KIRREL3: variants seen among roughly 807,000 people sequenced by gnomAD.
KIRREL3 encodes the protein kirre like nephrin family adhesion molecule 3, also known as kin of IRRE-like protein 3.
A neutral mutation model predicts 89.7 loss-of-function variants in KIRREL3; 36 were observed. The ratio of observed to expected loss-of-function variants is 0.40; its 90% CI spans 0.31 to 0.53. The LOEUF (loss-of-function observed/expected upper bound fraction) is 0.53. Among genes scored for constraint, KIRREL3 ranks in the 20% least tolerant of loss-of-function variants. KIRREL3 has a pLI of 0.49. For synonymous variants in KIRREL3, 445 were observed against 441.4 expected, an observed-to-expected ratio of 1.01 and a Z score of -0.10; for missense variants, 864 against 1,056.6, an observed-to-expected ratio of 0.82 and a Z score of 2.53.
intron 1 of KIRREL3, among the ~76,000 whole-genome samples, chr11:126,862,033 A>G (rs1027194445): frequency 2.0e-4 from 30 of 152,240 alleles, no homozygotes; most frequent in African/African-American, 5.3e-4. Context: ...GGCAGTGAGC[A>G]GTTAGCGGCC....
Position 126,768,692 on chromosome 11 carries a change from A to G in KIRREL3, c.56-205780T>C, listed in dbSNP as rs1445821280. ...GAGCCCATCCCTCAAAATGAGAAAG[A>G]GAGTTCCAAGCAGCTGGAAGAGCAA... On this transcript the variant is annotated intron_variant, in intron 1 of 16. Coordinates refer to ENST00000525144, the MANE Select transcript of KIRREL3 (RefSeq NM_032531.4). This position sits in a 1 kb window ranked among gnomAD's most constrained non-coding sequence, Gnocchi z 4.5. 6.6e-6 allele frequency among the ~76,000 whole-genome samples: 1 copy of G among 152,166 alleles called. No homozygotes were observed. Among genetic ancestry groups the G allele is most frequent in the Non-Finnish European group, 1.5e-5 (1 of 68,032 alleles).
intron 4 of KIRREL3, among the ~76,000 whole-genome samples, chr11:126,487,905 G>T (rs1957409028): frequency 6.6e-6 from 1 of 152,228 alleles, no homozygotes; most frequent in Non-Finnish European, 1.5e-5. Flanking sequence ...GTCCTGAAAG[G>T]GGTAAAGAGA....
intron 1 of KIRREL3, among the ~76,000 whole-genome samples, chr11:126,992,981 C>G (rs1950079380): frequency 6.6e-6 from 1 of 152,174 alleles, no homozygotes; most frequent in Admixed American, 6.5e-5. Flanking sequence ...TGCCTCCTCT[C>G]TGGAATGTGG....
chr11:126,633,895 CAG>C (rs1204371962), intron 1 of KIRREL3, among the ~76,000 whole-genome samples: 4 of 152,184 alleles, frequency 2.6e-5, no homozygotes, highest in Admixed American at 2.0e-4. Context: ...GCATAAGTAA[CAG>C]AGATTTTGTT....
At chr11:126,961,317 G>A (rs1463300503) in intron 1 of KIRREL3, among the ~76,000 whole-genome samples, 4 of 152,200 alleles carry the variant, frequency 2.6e-5, no homozygotes, top group Non-Finnish European at 5.9e-5. Context: ...AGTTGTGAAT[G>A]CAATGGAAAA....
chr11:126,976,533 CTTGA>C lies in KIRREL3; in HGVS notation c.55+23918_55+23921del, dbSNP rs1949581919. ...CAGACTCTCCTATTTTGCAGTATTT[CTTGA>C]CTATTATTCACCCAGAATGGTACCA... On this transcript the variant is annotated intron_variant, in intron 1 of 16. Transcript: ENST00000525144. This position sits in a 1 kb window ranked among gnomAD's most constrained non-coding sequence, Gnocchi z 4.2. Among the ~76,000 whole-genome samples, 1 of 152,054 alleles carries C rather than the reference CTTGA, an allele frequency of 6.6e-6. No individual in the cohort carries two copies. Among genetic ancestry groups the C allele is most frequent in the African/African-American group, 2.4e-5 (1 of 41,394 alleles).
In KIRREL3 at chr11:126,891,169, T is replaced by C. The variant is rs894835938; in HGVS notation, c.55+109286A>G. On this transcript the variant is annotated intron_variant, in intron 1 of 16. Coordinates refer to ENST00000525144, the MANE Select transcript of KIRREL3 (RefSeq NM_032531.4). This position sits in a 1 kb window ranked among gnomAD's most constrained non-coding sequence, Gnocchi z 5.1. ...GGTTTGAAGTGTACATAAGCCACAG[T>C]GGAAACATCTGAGAAGCGTCCCAAG... is the stretch of plus-strand genomic sequence containing the variant. 5.3e-5 allele frequency among the ~76,000 whole-genome samples: 8 copies of C among 152,138 alleles called. No homozygotes were observed. Among genetic ancestry groups the C allele is most frequent in the Non-Finnish European group, 1.2e-4 (8 of 68,030 alleles).
Position 126,753,583 on chromosome 11 carries a change from T to C in KIRREL3, c.56-190671A>G, listed in dbSNP as rs544535379. Among the ~76,000 whole-genome samples the C allele has an allele frequency of 2.0e-4, 30 of 152,342 alleles. No individual in the cohort carries two copies. In the South Asian group the frequency reaches 5.2e-3, roughly 26 times the overall value. Reference sequence around the variant, plus strand: ...TGTCTGTGTTGATTCATTGACTCAATAACAACTCAAGTGTTCTATTTTCTT... The same window carrying C: ...TGTCTGTGTTGATTCATTGACTCAACAACAACTCAAGTGTTCTATTTTCTT... On this transcript the variant is annotated intron_variant, in intron 1 of 16. Transcript: ENST00000525144.
At chr11:126,743,967 T>C (rs1390486367) in intron 1 of KIRREL3, among the ~76,000 whole-genome samples, 1 of 152,224 alleles carries the variant, frequency 6.6e-6, no homozygotes, top group Non-Finnish European at 1.5e-5. Flanking sequence ...ACTACTATAT[T>C]TCTGCTTGGC....
chr11:126,799,411 T>TGC (rs1385829830), intron 1 of KIRREL3, among the ~76,000 whole-genome samples: 9 of 129,938 alleles, frequency 6.9e-5, no homozygotes, highest in Admixed American at 6.5e-4. Flanking sequence ...TCTATCTGTG[T>TGC]GTGCGTCTCT....
Position 126,895,943 on chromosome 11 carries a change from G to A in KIRREL3, c.55+104512C>T, listed in dbSNP as rs986779485. 2.6e-5 allele frequency among the ~76,000 whole-genome samples: 4 copies of A among 152,352 alleles called. 1 individual carries two copies. Among genetic ancestry groups the A allele is most frequent in the African/African-American group, 7.2e-5 (3 of 41,580 alleles). On this transcript the variant is annotated intron_variant, in intron 1 of 16. Transcript: ENST00000525144. ...CATAAAGAGAAGAAACTGCAGCGGT[G>A]TTGTCACTAGAGCGAATGGCAAATT...
At chr11:126,659,761 C>T (rs561984357) in intron 1 of KIRREL3, among the ~76,000 whole-genome samples, 2 of 152,358 alleles carry the variant, frequency 1.3e-5, no homozygotes, top group South Asian at 2.1e-4. Context: ...ATGCAAGGAA[C>T]ATGCCCCAGA....
chr11:126,783,882 C>T lies in KIRREL3; in HGVS notation c.55+216573G>A, dbSNP rs574109657. On this transcript the variant is annotated intron_variant, in intron 1 of 16. Transcript: ENST00000525144. This position sits in a 1 kb window ranked among gnomAD's most constrained non-coding sequence, Gnocchi z 4.3. ...ACCAATACTATTTCAGCCAGGTGAGCAAGGTTGGCAGCAACAGTGATGTGC... is the reference window on the plus strand; with the variant it reads ...ACCAATACTATTTCAGCCAGGTGAGTAAGGTTGGCAGCAACAGTGATGTGC... Among the ~76,000 whole-genome samples the T allele has an allele frequency of 6.6e-6, 1 of 152,284 alleles. No individual in the cohort carries two copies. The highest frequency in any genetic ancestry group is 2.1e-4 in the South Asian group (1 of 4,822).
chr11:126,431,603 T>A lies in KIRREL3; in HGVS notation c.1589-77A>T, dbSNP rs1955133363. On this transcript the variant is annotated intron_variant, in intron 13 of 16. Coordinates refer to ENST00000525144, the MANE Select transcript of KIRREL3 (RefSeq NM_032531.4). The surrounding 1 kb of genome is among the most constrained non-coding windows in gnomAD (Gnocchi z 7.1). ...TCCCCCCATGATCTCACCCCGTTCCTGCGGGGGCAGCCCCTGCCACATGGG... is the reference window on the plus strand; with the variant it reads ...TCCCCCCATGATCTCACCCCGTTCCAGCGGGGGCAGCCCCTGCCACATGGG... 9 of 1,407,522 alleles carry A rather than the reference T, an allele frequency of 6.4e-6. No individual in the cohort carries two copies. The highest frequency in any genetic ancestry group is 8.8e-6 in the Non-Finnish European group (9 of 1,023,776). 87.2% of individuals were successfully genotyped at this position (1,407,522 alleles called of 1,614,324 possible).
In KIRREL3 at chr11:126,641,149, C is replaced by A. The variant is rs1433304116; in HGVS notation, c.56-78237G>T. 6.6e-6 allele frequency among the ~76,000 whole-genome samples: 1 copy of A among 152,132 alleles called. No homozygotes were observed. The highest frequency in any genetic ancestry group is 1.5e-5 in the Non-Finnish European group (1 of 68,022). Reference sequence around the variant, plus strand: ...ATTTTATCCTTCCAGTTACTCAGACCAGGAAACTTGAAGTGAGTGATCCTA... The same window carrying A: ...ATTTTATCCTTCCAGTTACTCAGACAAGGAAACTTGAAGTGAGTGATCCTA... On this transcript the variant is annotated intron_variant, in intron 1 of 16. Transcript: ENST00000525144. This position sits in a 1 kb window ranked among gnomAD's most constrained non-coding sequence, Gnocchi z 5.0.
chr11:126,956,381 G>A (rs1221270883), intron 1 of KIRREL3, among the ~76,000 whole-genome samples: 6 of 152,160 alleles, frequency 3.9e-5, no homozygotes, highest in East Asian at 3.9e-4. Context: ...GTCTCTCCTC[G>A]TCTGAAACTC....
chr11:126,923,920 G>T lies in KIRREL3; in HGVS notation c.55+76535C>A, dbSNP rs184648610. On this transcript the variant is annotated intron_variant, in intron 1 of 16. Transcript: ENST00000525144. ...AAATGTGTCCAAAGTGAAATTCATT[G>T]GCTTTCCCCCCAAACCTTCTTTTCT... 2.4e-3 allele frequency among the ~76,000 whole-genome samples: 363 copies of T among 152,270 alleles called. 1 individual carries two copies. The highest frequency in any genetic ancestry group is 8.3e-3 in the African/African-American group (345 of 41,564).
In KIRREL3 at chr11:126,677,632, G is replaced by C. The variant is rs1946255624; in HGVS notation, c.56-114720C>G. 6.6e-6 allele frequency among the ~76,000 whole-genome samples: 1 copy of C among 152,186 alleles called. No individual in the cohort carries two copies. The highest frequency in any genetic ancestry group is 1.5e-5 in the Non-Finnish European group (1 of 68,032). ...CATTCGCTGAGCTGTCGCTGTGCTA[G>C]GTGCTGAAGCAGGGCTGGGATGGGG... On this transcript the variant is annotated intron_variant, in intron 1 of 16. Coordinates refer to ENST00000525144, the MANE Select transcript of KIRREL3 (RefSeq NM_032531.4). The surrounding 1 kb of genome is among the most constrained non-coding windows in gnomAD (Gnocchi z 5.1).
Position 126,723,238 on chromosome 11 carries a change from A to G in KIRREL3, c.56-160326T>C, listed in dbSNP as rs1948250329. Among the ~76,000 whole-genome samples, 1 of 152,156 alleles carries G rather than the reference A, an allele frequency of 6.6e-6. No homozygotes were observed. The highest frequency in any genetic ancestry group is 2.1e-4 in the South Asian group (1 of 4,828). ...CTGGATTTCCCCCACTGAAACCTCC[A>G]CAGCCCTCCTAGCAGAGACAGACAC... On this transcript the variant is annotated intron_variant, in intron 1 of 16. Transcript: ENST00000525144. This position sits in a 1 kb window ranked among gnomAD's most constrained non-coding sequence, Gnocchi z 4.0.
Sources: gnomAD v4.1 joint callset for allele counts (sites outside exome capture counted in the v4.1 genomes callset) on GRCh38, gnomAD v4.1.1 for gene constraint, Gnocchi (gnomAD v3.1) non-coding constraint, MANE v1.5 for transcripts, NCBI Gene and HGNC (gene_info 2026-07-23, HGNC 2026-07-21) for gene names.